Variants in HM13 observed in about 807,000 individuals in gnomAD.
The protein encoded by HM13 is histocompatibility minor 13, also known as signal peptide peptidase.
In HM13, 18 loss-of-function variants were observed where a neutral mutation model predicts 50.0. The ratio of observed to expected loss-of-function variants is 0.36; its 90% CI spans 0.25 to 0.53. The LOEUF is 0.53. Ranked by LOEUF, HM13 falls within the 20% of genes least tolerant of loss-of-function variation. The pLI is 0.90. For missense variants in HM13, 393 were observed against 552.4 expected, an observed-to-expected ratio of 0.71 and a Z score of 2.89; for synonymous variants, 197 against 232.6, an observed-to-expected ratio of 0.85 and a Z score of 1.39.
intron 2 of HM13, among the ~76,000 whole-genome samples, chr20:31,532,341 C>T (rs1269703931): frequency 3.3e-5 from 5 of 152,216 alleles, no homozygotes; most frequent in African/African-American, 1.2e-4. Context: ...AGGAGAATCG[C>T]TTGAACCAGG....
intron 12 of HM13, 151 bp downstream of exon 12, chr20:31,568,375 TGCACCGAGCCATAGGGCTGGGAA>T: frequency 8.6e-7 from 1 of 1,156,094 alleles, no homozygotes; most frequent in Non-Finnish European, 1.2e-6. Flanking sequence ...AGGCAGTGGT[TGCACCGAGCCATAGGGCTGGGAA>T]GCAGGACAAC....
chr20:31,530,363 C>T (rs1290734797), intron 2 of HM13, among the ~76,000 whole-genome samples: 2 of 151,556 alleles, frequency 1.3e-5, no homozygotes, highest in Non-Finnish European at 2.9e-5. Context: ...ATGATTCTTA[C>T]CACGGAGGTA....
chr20:31,561,530 C>CG (rs993583192), intron 9 of HM13, 104 bp from the exon 10 acceptor site: 2 of 776,744 alleles, frequency 2.6e-6, no homozygotes, highest in African/African-American at 3.4e-5. Flanking sequence ...GCTCAGTCAC[C>CG]CCCCCACAAC....
chr20:31,544,844 C>G (rs1213466427), intron 3 of HM13, 103 bp from the exon 4 acceptor site: 1 of 864,020 alleles, frequency 1.2e-6, no homozygotes, highest in Non-Finnish European at 2.0e-6. Context: ...ACCTACCTAT[C>G]AGGACAGCTG....
intron 3 of HM13, among the ~76,000 whole-genome samples, chr20:31,543,775 C>CA (rs1056699836): frequency 1.3e-4 from 19 of 150,480 alleles, no homozygotes; most frequent in East Asian, 2.0e-4. Context: ...ACTAAAAATA[C>CA]AAAAAAAAAT....
intron 7 of HM13, chr20:31,550,533 C>A: frequency 5.8e-6 from 1 of 173,842 alleles, no homozygotes; most frequent in Non-Finnish European, 1.2e-5. Context: ...TTCAGTGTAT[C>A]CACTGTTTAT....
rs981668999 is a variant in HM13, at chr20:31,547,533, T to C, written c.455-1496T>C. ...TCAAGAAGTTTGATGAAAAGGAAAG[T>C]GTGTCCAACTGCATCCAGTTGAAAA... On this transcript the variant is annotated intron_variant, in intron 4 of 12. Coordinates refer to ENST00000398174, the MANE Select transcript of HM13 (RefSeq NM_178581.3). 4.9e-6 allele frequency: 4 copies of C among 812,334 alleles called. No individual in the cohort carries two copies. The African/African-American group carries it at 7.1e-5, about 14-fold the overall frequency. The allele number at this position is 812,334 out of a possible 1,614,324, so 50.3% of individuals were successfully genotyped here.
At chr20:31,534,567 G>C (rs1322859824) in intron 2 of HM13, among the ~76,000 whole-genome samples, 5 of 149,886 alleles carry the variant, frequency 3.3e-5, no homozygotes, top group African/African-American at 1.2e-4. Context: ...CAGATCGTTT[G>C]AGCCCAGGAG....
intron 1 of HM13, among the ~76,000 whole-genome samples, chr20:31,520,905 G>A (rs1982115408): frequency 6.6e-6 from 1 of 152,170 alleles, no homozygotes; most frequent in African/African-American, 2.4e-5. Context: ...TAGAAGCAGT[G>A]CTCCGAGAGC....
rs774455531 is a variant in HM13 at position 31,514,683 on chromosome 20, G to A, written c.132G>A (p.Leu44=). The stretch of plus-strand genomic sequence containing the variant: ...ACGGCAGCCTCCTGCTCATGGCGCT[G>A]CTGCCCATCTTCTTCGGCGCCCTGC... ...LAYGSLLLMA[L]LPIFFGALRS... The change falls in exon 1 of 13, where the codon CTG becomes CTA. Residue 44 remains leucine, a synonymous_variant. Transcript: ENST00000398174. The surrounding 1 kb of genome is among the most constrained non-coding windows in gnomAD (Gnocchi z 4.3). 4.5e-6 allele frequency: 7 copies of A among 1,555,770 alleles called. No homozygotes were observed. Among genetic ancestry groups the A allele is most frequent in the Non-Finnish European group, 4.3e-6 (5 of 1,150,568 alleles).
intron 10 of HM13, 182 bp from the exon 11 acceptor site, chr20:31,566,028 C>G (rs940631865): frequency 1.1e-4 from 55 of 493,646 alleles, no homozygotes; most frequent in African/African-American, 9.9e-4. Context: ...CATTCCCTCT[C>G]GGGAGGAGCA....
chr20:31,530,240 A>G (rs540492359), intron 2 of HM13, among the ~76,000 whole-genome samples: 27 of 152,296 alleles, frequency 1.8e-4, no homozygotes, highest in Non-Finnish European at 3.1e-4. Context: ...ATTTTTTTCA[A>G]CCTAAAGTAC....
At chr20:31,520,755 G>A (rs1467494122) in intron 1 of HM13, among the ~76,000 whole-genome samples, 2 of 152,332 alleles carry the variant, frequency 1.3e-5, no homozygotes, top group South Asian at 2.1e-4. Flanking sequence ...CCAAAGGATT[G>A]GGGTGGGAAG....
intron 1 of HM13, among the ~76,000 whole-genome samples, chr20:31,523,827 G>A (rs1428150844): frequency 6.6e-6 from 1 of 152,164 alleles, no homozygotes; most frequent in Admixed American, 6.5e-5. Flanking sequence ...GGCCTCTCAT[G>A]TGGGTATTGT....
At chr20:31,560,078 G>A (rs540434915) in intron 9 of HM13, among the ~76,000 whole-genome samples, 14 of 152,312 alleles carry the variant, frequency 9.2e-5, no homozygotes, top group South Asian at 2.1e-4. Flanking sequence ...TCAGCCTAGC[G>A]TCAGGTCACC....
At chr20:31,556,748 C>T (rs775050054) in intron 8 of HM13, among the ~76,000 whole-genome samples, 8 of 152,230 alleles carry the variant, frequency 5.3e-5, no homozygotes, top group Non-Finnish European at 8.8e-5. Context: ...CGGCCGGGCA[C>T]GGTGGCTTAA....
At chr20:31,528,378 G>A (rs1461841104) in intron 2 of HM13, among the ~76,000 whole-genome samples, 2 of 152,086 alleles carry the variant, frequency 1.3e-5, no homozygotes, top group Middle Eastern at 3.2e-3. Context: ...GTGCAATGGC[G>A]CCATCACAGT....
At chr20:31,519,176 A>G (rs566642628) in intron 1 of HM13, among the ~76,000 whole-genome samples, 1 of 152,276 alleles carries the variant, frequency 6.6e-6, no homozygotes, top group Admixed American at 6.5e-5. Flanking sequence ...ACCTCAGCTC[A>G]CTGCACGCTC....
Position 31,566,311 on chromosome 20 carries a change from G to A in HM13, c.1034+16G>A. The A allele has an allele frequency of 1.9e-6, 3 of 1,604,998 alleles. No individual in the cohort carries two copies. Among genetic ancestry groups the A allele is most frequent in the East Asian group, 2.2e-5 (1 of 44,802 alleles). Reference sequence around the variant, plus strand: ...AGATGTTCAGGTAAGGCAGAGTGGGGGGCAGATGTCCTCATGGGCACCAGT... The same window carrying A: ...AGATGTTCAGGTAAGGCAGAGTGGGAGGCAGATGTCCTCATGGGCACCAGT... On this transcript the variant is annotated intron_variant, in intron 11 of 12. Transcript: ENST00000398174.
Sources: gnomAD v4.1 joint callset for allele counts (sites outside exome capture counted in the v4.1 genomes callset) on GRCh38, gnomAD v4.1.1 for gene constraint, Gnocchi (gnomAD v3.1) non-coding constraint, MANE v1.5 for transcripts, NCBI Gene and HGNC (gene_info 2026-07-23, HGNC 2026-07-21) for gene names.